BBS9: variants seen among roughly 807,000 people sequenced by gnomAD.
BBS9 encodes Bardet-Biedl syndrome 9.
In BBS9, 89 loss-of-function variants were observed where a neutral mutation model predicts 117.7. The ratio of observed to expected loss-of-function variants is 0.76; its 90% CI spans 0.64 to 0.90. The LOEUF (loss-of-function observed/expected upper bound fraction) is 0.90. Ranked by LOEUF, BBS9 falls within the 40% of genes least tolerant of loss-of-function variation. The pLI, the probability that BBS9 is intolerant of heterozygous loss-of-function variation, is 0.00. For missense variants in BBS9, 982 were observed against 1,042.2 expected, an observed-to-expected ratio of 0.94 and a Z score of 0.80; for synonymous variants, 379 against 370.9, an observed-to-expected ratio of 1.02 and a Z score of -0.25.
rs974374718 is a variant in BBS9 at position 33,177,715 on chromosome 7, C to A, written c.442+124C>A. ...AGTTAAAATAGACATTTTATTGAAA[C>A]CTTTGTATCCAAATGCCCAAGCAAG... On this transcript the variant is annotated intron_variant, in intron 5 of 22. Coordinates refer to ENST00000242067, the MANE Select transcript of BBS9 (RefSeq NM_198428.3). The A allele has an allele frequency of 3.2e-5, 24 of 745,040 alleles. No individual in the cohort carries two copies. In the African/African-American group the frequency reaches 4.0e-4, roughly 12 times the overall value. The allele number at this position is 745,040 out of a possible 1,614,324, so 46.2% of individuals were successfully genotyped here.
At chr7:33,180,869 A>T (rs1481532419) in intron 5 of BBS9, among the ~76,000 whole-genome samples, 1 of 151,966 alleles carries the variant, frequency 6.6e-6, no homozygotes, top group African/African-American at 2.4e-5. Context: ...CAGGCTAGCA[A>T]CCTGGGGAAA....
intron 18 of BBS9, among the ~76,000 whole-genome samples, chr7:33,385,737 C>G (rs1825884287): frequency 6.6e-6 from 1 of 151,646 alleles, no homozygotes; most frequent in Admixed American, 6.6e-5. Flanking sequence ...CTTTTAAAAA[C>G]TTTATTTTAA....
intron 5 of BBS9, among the ~76,000 whole-genome samples, chr7:33,219,201 C>G (rs2128236364): frequency 6.6e-6 from 1 of 152,334 alleles, no homozygotes; most frequent in South Asian, 2.1e-4. Context: ...CGGGCCTTAG[C>G]TGCCTTCCCG....
chr7:33,445,715 A>AG (rs978227153), intron 19 of BBS9, among the ~76,000 whole-genome samples: 3 of 152,102 alleles, frequency 2.0e-5, no homozygotes, highest in African/African-American at 7.2e-5. Flanking sequence ...GTGTTGAGGG[A>AG]GGGACCTGGT....
chr7:33,330,813 G>T (rs1403640188), intron 9 of BBS9, among the ~76,000 whole-genome samples: 1 of 152,122 alleles, frequency 6.6e-6, no homozygotes, highest in African/African-American at 2.4e-5. Flanking sequence ...ACTTAGCTCA[G>T]TCGATGCACT....
At chr7:33,489,553 T>A (rs1189403625) in intron 19 of BBS9, among the ~76,000 whole-genome samples, 1 of 152,136 alleles carries the variant, frequency 6.6e-6, no homozygotes, top group African/African-American at 2.4e-5. Context: ...ATTCTCAGAT[T>A]CTGCCAGAAT....
At chr7:33,284,052 A>G (rs1802417511) in intron 9 of BBS9, among the ~76,000 whole-genome samples, 2 of 152,086 alleles carry the variant, frequency 1.3e-5, no homozygotes, top group Admixed American at 6.5e-5. Context: ...ATAGGGCCAT[A>G]TCTTTTGCTT....
chr7:33,601,717 C>T (rs968689144), intron 21 of BBS9, among the ~76,000 whole-genome samples: 3 of 152,100 alleles, frequency 2.0e-5, no homozygotes, highest in African/African-American at 7.2e-5. Flanking sequence ...TCCCATTGCC[C>T]ATTAGCCCAT....
intron 19 of BBS9, among the ~76,000 whole-genome samples, chr7:33,468,004 T>C (rs1584933366): frequency 6.6e-6 from 1 of 152,176 alleles, no homozygotes; most frequent in Non-Finnish European, 1.5e-5. Context: ...TGCTGATAAT[T>C]GATCCAGCCT....
At chr7:33,211,633 C>A (rs1482726369) in intron 5 of BBS9, among the ~76,000 whole-genome samples, 1 of 151,788 alleles carries the variant, frequency 6.6e-6, no homozygotes, top group Non-Finnish European at 1.5e-5. Context: ...AGTAGTTTAC[C>A]CATCATGACT....
At chr7:33,573,954 T>A (rs1585314720) in intron 21 of BBS9, among the ~76,000 whole-genome samples, 1 of 152,238 alleles carries the variant, frequency 6.6e-6, no homozygotes, top group African/African-American at 2.4e-5. Context: ...GGCGCTGCTA[T>A]CTTTGTCTTC....
chr7:33,576,972 A>G (rs1859010610), intron 21 of BBS9, among the ~76,000 whole-genome samples: 1 of 152,224 alleles, frequency 6.6e-6, no homozygotes, highest in Non-Finnish European at 1.5e-5. Context: ...CCAAGGCAAT[A>G]CCATTCAGGA....
rs747587776 is a variant in BBS9 at position 33,604,965 on chromosome 7, AC to A, written c.2625del (p.Arg876GlyfsTer68). ...ACCACAGACATCTCACTGCAGAGAC[AC>A]CCAGGCCTGGTAAGAGACTGGATGG... ...TNHRHLTAET[P>X]RPEVSPLQGV... On this transcript the variant is annotated frameshift_variant, in exon 22 of 23. Transcript: ENST00000242067. LOFTEE classifies it high-confidence loss of function. 46 of 1,609,328 alleles carry A rather than the reference AC, an allele frequency of 2.9e-5. No individual in the cohort carries two copies. The highest frequency in any genetic ancestry group is 3.9e-5 in the Non-Finnish European group (46 of 1,175,856).
At chr7:33,146,717 A>AAAAAAG in intron 2 of BBS9, among the ~76,000 whole-genome samples, 1 of 148,010 alleles carries the variant, frequency 6.8e-6, no homozygotes. Context: ...AAAAAAAAAA[A>AAAAAAG]AGAGATAAAA....
At chr7:33,550,232 A>G (rs1211221089) in intron 21 of BBS9, among the ~76,000 whole-genome samples, 1 of 152,094 alleles carries the variant, frequency 6.6e-6, no homozygotes, top group African/African-American at 2.4e-5. Context: ...CAATAAGATG[A>G]ATGTTTCTGT....
intron 9 of BBS9, among the ~76,000 whole-genome samples, chr7:33,283,721 C>T (rs1286059014): frequency 2.0e-5 from 3 of 151,770 alleles, no homozygotes; most frequent in African/African-American, 7.3e-5. Flanking sequence ...CCTTTTTTTG[C>T]AATTTCCACA....
At chr7:33,203,745 C>A (rs1410708899) in intron 5 of BBS9, among the ~76,000 whole-genome samples, 1 of 34,040 alleles carries the variant, frequency 2.9e-5, no homozygotes, top group African/African-American at 1.2e-4. Context: ...TTTCTTGAGA[C>A]AGAGTCTTGC....
intron 20 of BBS9, among the ~76,000 whole-genome samples, chr7:33,509,715 A>T (rs528420051): frequency 6.6e-6 from 1 of 152,088 alleles, no homozygotes; most frequent in Non-Finnish European, 1.5e-5. Flanking sequence ...TGTTATTTTG[A>T]TGGTATGTGT....
intron 19 of BBS9, among the ~76,000 whole-genome samples, chr7:33,417,365 T>C (rs1412515476): frequency 2.0e-5 from 3 of 152,236 alleles, no homozygotes; most frequent in African/African-American, 4.8e-5. Flanking sequence ...TGGAATGTTA[T>C]AATTCATTTA....
Sources: allele counts gnomAD v4.1 joint callset (sites outside exome capture counted in the v4.1 genomes callset), GRCh38; gene constraint gnomAD v4.1.1; transcripts MANE v1.5; gene names NCBI Gene and HGNC (gene_info 2026-07-23, HGNC 2026-07-21).